SPOCK3: variants seen among roughly 807,000 people sequenced by gnomAD.
SPOCK3 encodes the protein SPARC (osteonectin), cwcv and kazal like domains proteoglycan 3, also known as testican-3.
Under a neutral mutation model 56.6 loss-of-function variants are expected in SPOCK3, and 30 were observed. The observed-to-expected ratio is 0.53, with a 90% CI of 0.40 to 0.72. The LOEUF is 0.72. SPOCK3 is among the 30% of genes least tolerant of loss of function. SPOCK3 has a pLI of 0.00. For synonymous variants in SPOCK3, 196 were observed against 183.3 expected, an observed-to-expected ratio of 1.07 and a Z score of -0.56; for missense variants, 527 against 530.0, an observed-to-expected ratio of 0.99 and a Z score of 0.06.
intron 6 of SPOCK3, among the ~76,000 whole-genome samples, chr4:166,823,300 G>A (rs574950686): frequency 6.6e-6 from 1 of 151,854 alleles, no homozygotes; most frequent in Non-Finnish European, 1.5e-5. Flanking sequence ...AAATCCAGAG[G>A]ACTTGATACA....
chr4:166,762,500 G>T (rs970561310), intron 7 of SPOCK3, among the ~76,000 whole-genome samples: 19 of 146,812 alleles, frequency 1.3e-4, no homozygotes, highest in African/African-American at 4.5e-4. Context: ...AAAGAGAGTT[G>T]GGTACAGCCC....
intron 2 of SPOCK3, among the ~76,000 whole-genome samples, chr4:167,205,158 A>C (rs1404936956): frequency 5.3e-5 from 6 of 112,824 alleles, no homozygotes; most frequent in African/African-American, 1.0e-4. Context: ...TATTTTATAT[A>C]TATATAATAT....
At chr4:166,914,749 G>A (rs183137358) in intron 4 of SPOCK3, among the ~76,000 whole-genome samples, 15 of 152,212 alleles carry the variant, frequency 9.9e-5, no homozygotes, top group South Asian at 6.2e-4. Flanking sequence ...CAGTCTGAGC[G>A]AAACTCCGTC....
chr4:167,011,462 AT>A (rs1356433369), intron 3 of SPOCK3, among the ~76,000 whole-genome samples: 1 of 152,130 alleles, frequency 6.6e-6, no homozygotes, highest in East Asian at 1.9e-4. Context: ...CTCCACCAAA[AT>A]TCAAATCTTT....
chr4:167,136,696 C>A (rs1046706188), intron 2 of SPOCK3, among the ~76,000 whole-genome samples: 6 of 152,146 alleles, frequency 3.9e-5, no homozygotes, highest in South Asian at 2.1e-4. Context: ...AGAAATATTT[C>A]ATTTTATAAT....
At chr4:166,849,349 C>T (rs1748434826) in intron 6 of SPOCK3, among the ~76,000 whole-genome samples, 1 of 151,770 alleles carries the variant, frequency 6.6e-6, no homozygotes, top group East Asian at 1.9e-4. Flanking sequence ...CAAATCTGTT[C>T]ATTCTGTACT....
intron 2 of SPOCK3, among the ~76,000 whole-genome samples, chr4:167,182,378 T>C (rs928516620): frequency 7.1e-6 from 1 of 140,388 alleles, no homozygotes; most frequent in African/African-American, 2.7e-5. Flanking sequence ...AAAAGGATTC[T>C]AGAAGGAATT....
chr4:166,845,627 C>T (rs1312730525), intron 6 of SPOCK3, among the ~76,000 whole-genome samples: 1 of 152,132 alleles, frequency 6.6e-6, no homozygotes, highest in Non-Finnish European at 1.5e-5. Context: ...GTTGGGAGCT[C>T]AGTTTGCAAA....
chr4:167,160,973 C>A (rs1765250752), intron 2 of SPOCK3, among the ~76,000 whole-genome samples: 1 of 152,132 alleles, frequency 6.6e-6, no homozygotes, highest in Non-Finnish European at 1.5e-5. Context: ...CCATTCAGGA[C>A]ATAGGCATGG....
chr4:167,195,236 C>G (rs1270638442), intron 2 of SPOCK3, among the ~76,000 whole-genome samples: 1 of 152,160 alleles, frequency 6.6e-6, no homozygotes, highest in Non-Finnish European at 1.5e-5. Context: ...GGAGCTGGAG[C>G]CAAAGTACAG....
intron 2 of SPOCK3, among the ~76,000 whole-genome samples, chr4:167,110,940 A>G (rs957374798): frequency 2.6e-5 from 4 of 151,962 alleles, no homozygotes; most frequent in Non-Finnish European, 4.4e-5. Flanking sequence ...TGAAAATATA[A>G]TCATCAAGGA....
chr4:166,803,596 A>G (rs1290492416), intron 6 of SPOCK3, among the ~76,000 whole-genome samples: 1 of 152,204 alleles, frequency 6.6e-6, no homozygotes, highest in African/African-American at 2.4e-5. Context: ...AGATAAATCA[A>G]TGTATGTCCT....
chr4:166,852,205 A>G (rs1479148313), intron 6 of SPOCK3, among the ~76,000 whole-genome samples: 1 of 152,184 alleles, frequency 6.6e-6, no homozygotes. Flanking sequence ...CTAGATGACG[A>G]GTTAGTGGGT....
chr4:167,065,856 C>T (rs1756076457), intron 2 of SPOCK3, among the ~76,000 whole-genome samples: 6 of 151,814 alleles, frequency 4.0e-5, no homozygotes, highest in Admixed American at 3.9e-4. Flanking sequence ...AATAAGCCAA[C>T]CAGGGATTTA....
At chr4:166,823,968 G>C (rs897583471) in intron 6 of SPOCK3, among the ~76,000 whole-genome samples, 5 of 152,028 alleles carry the variant, frequency 3.3e-5, no homozygotes, top group Non-Finnish European at 5.9e-5. Flanking sequence ...CGGTTAATGA[G>C]ACAGGGCTTT....
At chr4:167,185,499 T>C (rs778838411) in intron 2 of SPOCK3, among the ~76,000 whole-genome samples, 14 of 152,306 alleles carry the variant, frequency 9.2e-5, no homozygotes, top group Non-Finnish European at 1.8e-4. Context: ...CCTTTCTTTT[T>C]TCTTTCTCCA....
intron 7 of SPOCK3, among the ~76,000 whole-genome samples, 177 bp downstream of exon 7, chr4:166,791,993 A>C (rs574421570): frequency 6.6e-6 from 1 of 152,312 alleles, no homozygotes; most frequent in East Asian, 1.9e-4. Flanking sequence ...AGTTGTCCTA[A>C]ATGCCTTATT....
intron 8 of SPOCK3, among the ~76,000 whole-genome samples, chr4:166,745,178 C>G (rs1371678042): frequency 6.6e-6 from 1 of 152,072 alleles, no homozygotes; most frequent in East Asian, 1.9e-4. Flanking sequence ...CCCCAAGACA[C>G]ATAATTTTCA....
chr4:166,798,737 A>G (rs565913833), intron 6 of SPOCK3, among the ~76,000 whole-genome samples: 41 of 152,324 alleles, frequency 2.7e-4, no homozygotes, highest in African/African-American at 8.9e-4. Flanking sequence ...TACAATGTGG[A>G]ATTTACTGCT....
Sources: allele counts gnomAD v4.1 joint callset (sites outside exome capture counted in the v4.1 genomes callset), GRCh38; gene constraint gnomAD v4.1.1; transcripts MANE v1.5; gene names NCBI Gene and HGNC (gene_info 2026-07-23, HGNC 2026-07-21).